Variants in HIBADH observed in about 807,000 individuals in gnomAD.
HIBADH encodes 3-hydroxyisobutyrate dehydrogenase, also known as 3-hydroxyisobutyrate dehydrogenase, mitochondrial.
A neutral mutation model predicts 36.1 loss-of-function variants in HIBADH; 25 were observed. The observed-to-expected ratio is 0.69, with a 90% CI of 0.50 to 0.97. The LOEUF is 0.97. HIBADH is among the 50% of genes least tolerant of loss of function. HIBADH has a pLI of 0.00. For missense variants in HIBADH, 421 were observed against 418.0 expected, an observed-to-expected ratio of 1.01 and a Z score of -0.06; for synonymous variants, 160 against 149.5, an observed-to-expected ratio of 1.07 and a Z score of -0.51.
intron 2 of HIBADH, among the ~76,000 whole-genome samples, chr7:27,647,443 T>C (rs2128296758): frequency 6.6e-6 from 1 of 152,368 alleles, no homozygotes; most frequent in Admixed American, 6.5e-5. Context: ...AGAACCACTA[T>C]ATAACATTAG....
chr7:27,597,270 C>A (rs1324597369), intron 4 of HIBADH, among the ~76,000 whole-genome samples: 1 of 151,972 alleles, frequency 6.6e-6, no homozygotes, highest in East Asian at 1.9e-4. Flanking sequence ...GAAGGCAGGT[C>A]TCTCATGTAT....
chr7:27,580,371 C>G (rs1175398990), intron 4 of HIBADH, among the ~76,000 whole-genome samples: 1 of 152,152 alleles, frequency 6.6e-6, no homozygotes, highest in East Asian at 1.9e-4. Flanking sequence ...AGCTTAACCA[C>G]TTAGAAATCA....
intron 4 of HIBADH, among the ~76,000 whole-genome samples, chr7:27,575,266 T>C (rs531944550): frequency 2.5e-4 from 38 of 152,332 alleles, no homozygotes; most frequent in African/African-American, 7.9e-4. Context: ...TAACCTGTCA[T>C]GGTGCTTCAC....
intron 4 of HIBADH, among the ~76,000 whole-genome samples, chr7:27,587,687 C>T (rs1246162817): frequency 6.6e-6 from 1 of 152,132 alleles, no homozygotes; most frequent in East Asian, 1.9e-4. Flanking sequence ...TAGGAGGTTT[C>T]GTTCTTTTTC....
chr7:27,621,009 C>T (rs1406740145), intron 4 of HIBADH, among the ~76,000 whole-genome samples: 1 of 150,712 alleles, frequency 6.6e-6, no homozygotes, highest in Non-Finnish European at 1.5e-5. Context: ...AGGACACATA[C>T]ACAGCTAAAG....
chr7:27,620,540 T>C (rs913250905), intron 4 of HIBADH, among the ~76,000 whole-genome samples: 3 of 151,062 alleles, frequency 2.0e-5, no homozygotes. Flanking sequence ...CCAAGAATAC[T>C]GTATCCAACA....
At chr7:27,561,118 T>A (rs1055909465) in intron 4 of HIBADH, among the ~76,000 whole-genome samples, 1 of 152,220 alleles carries the variant, frequency 6.6e-6, no homozygotes, top group African/African-American at 2.4e-5. Flanking sequence ...TGGGGAAATG[T>A]CTGTTCAAAT....
At chr7:27,532,485 C>A (rs1784016515) in intron 6 of HIBADH, among the ~76,000 whole-genome samples, 1 of 152,166 alleles carries the variant, frequency 6.6e-6, no homozygotes, top group Non-Finnish European at 1.5e-5. Flanking sequence ...AATATCATGG[C>A]CAATAAAACA....
At chr7:27,527,108 C>G (rs188684227) in intron 7 of HIBADH, among the ~76,000 whole-genome samples, 1 of 151,750 alleles carries the variant, frequency 6.6e-6, no homozygotes. Context: ...AGAGACAGAA[C>G]AAGAGGGAGA....
In HIBADH at chr7:27,544,793, TA is replaced by T. The variant is rs886511287; in HGVS notation, c.485-1694del. Among the ~76,000 whole-genome samples the T allele has an allele frequency of 2.6e-5, 4 of 152,140 alleles. 1 individual carries two copies. The South Asian group carries it at 6.2e-4, about 24-fold the overall frequency. Reference sequence around the variant, plus strand: ...CTAAATAGCTTCGGAGTCATTTATTTAAAAAAAATTAATGCTGACAATGGTT... The same window carrying T: ...CTAAATAGCTTCGGAGTCATTTATTTAAAAAAATTAATGCTGACAATGGTT... On this transcript the variant is annotated intron_variant, in intron 4 of 7. Coordinates refer to ENST00000265395, the MANE Select transcript of HIBADH (RefSeq NM_152740.4).
chr7:27,650,245 C>T (rs1786157914), intron 1 of HIBADH, among the ~76,000 whole-genome samples: 1 of 150,462 alleles, frequency 6.6e-6, no homozygotes, highest in African/African-American at 2.4e-5. Flanking sequence ...CCTTCCCACT[C>T]CCACAGTTAC....
intron 1 of HIBADH, among the ~76,000 whole-genome samples, chr7:27,651,737 A>G (rs185788441): frequency 6.6e-6 from 1 of 152,252 alleles, no homozygotes; most frequent in East Asian, 1.9e-4. Flanking sequence ...ACATGTACCA[A>G]AAGAGATGCC....
At chr7:27,662,506 AG>A (rs1052184456) in intron 1 of HIBADH, among the ~76,000 whole-genome samples, 191 bp downstream of exon 1, 13 of 152,156 alleles carry the variant, frequency 8.5e-5, no homozygotes, top group African/African-American at 3.1e-4. Flanking sequence ...AAGGGAGGGA[AG>A]GCAGAGGGGG....
At chr7:27,599,611 G>A (rs971757296) in intron 4 of HIBADH, among the ~76,000 whole-genome samples, 2 of 149,584 alleles carry the variant, frequency 1.3e-5, no homozygotes, top group African/African-American at 4.9e-5. Flanking sequence ...GAACCCGGGA[G>A]GCGGAGCTTG....
At chr7:27,645,701 G>A (rs1410535346) in intron 2 of HIBADH, among the ~76,000 whole-genome samples, 3 of 151,974 alleles carry the variant, frequency 2.0e-5, no homozygotes, top group South Asian at 2.1e-4. Context: ...ATGTTTCTAC[G>A]ATGCCTAATG....
At chr7:27,638,110 A>G (rs1785874431) in intron 2 of HIBADH, among the ~76,000 whole-genome samples, 1 of 152,070 alleles carries the variant, frequency 6.6e-6, no homozygotes, top group Non-Finnish European at 1.5e-5. Flanking sequence ...AAGGAGCTCA[A>G]ATAGTCAAGG....
intron 4 of HIBADH, among the ~76,000 whole-genome samples, chr7:27,549,916 C>G (rs1784294015): frequency 1.3e-5 from 2 of 151,958 alleles, no homozygotes; most frequent in African/African-American, 4.8e-5. Flanking sequence ...CTTTTCTTTT[C>G]TTTTCTTTTT....
At chr7:27,604,014 A>C (rs377012522) in intron 4 of HIBADH, among the ~76,000 whole-genome samples, 3 of 152,092 alleles carry the variant, frequency 2.0e-5, no homozygotes, top group African/African-American at 7.2e-5. Context: ...ATTTCAGTAC[A>C]TCGCCCCTCC....
chr7:27,631,834 A>G (rs1038743722), intron 3 of HIBADH, among the ~76,000 whole-genome samples: 1 of 152,228 alleles, frequency 6.6e-6, no homozygotes, highest in African/African-American at 2.4e-5. Context: ...CCTCTGACAT[A>G]AATGGGTTAA....
Sources: gnomAD v4.1 joint callset for allele counts (sites outside exome capture counted in the v4.1 genomes callset) on GRCh38, gnomAD v4.1.1 for gene constraint, MANE v1.5 for transcripts, NCBI Gene and HGNC (gene_info 2026-07-23, HGNC 2026-07-21) for gene names.